NCKAP5: variants seen among roughly 807,000 people sequenced by gnomAD.
NCKAP5 encodes NCK associated protein 5.
In NCKAP5, 92 loss-of-function variants were observed where a neutral mutation model predicts 167.0. The ratio of observed to expected loss-of-function variants is 0.55; its 90% CI spans 0.47 to 0.66. The LOEUF is 0.66. NCKAP5 is among the 30% of genes least tolerant of loss of function. The probability of loss-of-function intolerance (pLI) is 0.00; values close to 1 mark genes in which losing one functional copy is unlikely to be tolerated. For synonymous variants in NCKAP5, 891 were observed against 877.4 expected (o/e 1.02, Z -0.27); for missense variants, 2,378 against 2,315.0 (o/e 1.03, Z -0.56).
intron 2 of NCKAP5, among the ~76,000 whole-genome samples, chr2:133,532,489 T>C (rs1685444812): frequency 6.6e-6 from 1 of 152,220 alleles, no homozygotes; most frequent in African/African-American, 2.4e-5. Flanking sequence ...TTTTCTCTTT[T>C]ATTGAAAATA....
In NCKAP5 at chr2:132,783,929, G is replaced by A; in HGVS notation, c.2882C>T (p.Pro961Leu). 1 of 1,572,542 alleles carries A rather than the reference G, an allele frequency of 6.4e-7. No homozygotes were observed. Among genetic ancestry groups the A allele is most frequent in the Non-Finnish European group, 8.6e-7 (1 of 1,163,824 alleles). The change falls in exon 14 of 20, where the codon CCC becomes CTC. Residue 961 changes from proline (P) to leucine (L), a missense_variant. This residue lies in a region of NCKAP5 where 1,325 missense variants were observed against 1,274.5 expected (regional missense o/e 1.04). Coordinates refer to ENST00000409261, the MANE Select transcript of NCKAP5 (RefSeq NM_207363.3). ...PSSTKSETRVPSETARTPFKS... is the reference protein window; with the variant it reads ...PSSTKSETRVLSETARTPFKS... ...GAATGGGGTCCTTGCTGTTTCACTG[G>A]GGACCCTGGTTTCGGACTTGGTGGA...
intron 5 of NCKAP5, among the ~76,000 whole-genome samples, chr2:133,188,672 G>A (rs993493394): frequency 1.8e-4 from 28 of 151,914 alleles, no homozygotes; most frequent in Admixed American, 5.3e-4. Flanking sequence ...AACAACCTGC[G>A]CCTGAATGAC....
At chr2:133,313,476 T>C (rs1306932612) in intron 3 of NCKAP5, among the ~76,000 whole-genome samples, 2 of 152,238 alleles carry the variant, frequency 1.3e-5, no homozygotes, top group African/African-American at 2.4e-5. Context: ...TATTCTTTTT[T>C]AGGTAAAAAG....
At chr2:132,953,484 A>G (rs2076254321) in intron 8 of NCKAP5, among the ~76,000 whole-genome samples, 1 of 152,084 alleles carries the variant, frequency 6.6e-6, no homozygotes, top group African/African-American at 2.4e-5. Flanking sequence ...ATTAATTAGT[A>G]TATTTTTAAT....
intron 16 of NCKAP5, among the ~76,000 whole-genome samples, chr2:132,749,785 G>A (rs1260820302): frequency 6.6e-6 from 1 of 152,164 alleles, no homozygotes; most frequent in African/African-American, 2.4e-5. Flanking sequence ...ACGCAGGACA[G>A]TGTTTCAACT....
At chr2:133,284,554 A>C (rs1041686549) in intron 4 of NCKAP5, 24 of 152,182 alleles carry the variant, frequency 1.6e-4, no homozygotes, top group African/African-American at 5.6e-4. Flanking sequence ...CTGTTTGTGA[A>C]ACTCTCCAAA....
intron 4 of NCKAP5, among the ~76,000 whole-genome samples, chr2:133,229,250 T>A (rs2087031907): frequency 6.6e-6 from 1 of 152,188 alleles, no homozygotes; most frequent in African/African-American, 2.4e-5. Flanking sequence ...TGTTTATACA[T>A]AAATAAATCT....
At chr2:132,903,795 T>C (rs1209050215) in intron 8 of NCKAP5, among the ~76,000 whole-genome samples, 2 of 152,160 alleles carry the variant, frequency 1.3e-5, no homozygotes, top group African/African-American at 2.4e-5. Context: ...TAAGAGTTTA[T>C]TAGGAGAAAC....
chr2:133,642,644 A>G, the NCKAP5 span, among the ~76,000 whole-genome samples: 2 of 152,228 alleles, frequency 1.3e-5, no homozygotes, highest in African/African-American at 4.8e-5. Flanking sequence ...AACGGTAAAC[A>G]TTCAAAACCA....
chr2:133,523,536 G>A (rs1003805682), intron 2 of NCKAP5, among the ~76,000 whole-genome samples: 1 of 152,214 alleles, frequency 6.6e-6, no homozygotes. Flanking sequence ...GTAAATTTGA[G>A]TAGATTCCTA....
At chr2:132,759,233 T>G (rs1396074746) in intron 16 of NCKAP5, among the ~76,000 whole-genome samples, 2 of 152,210 alleles carry the variant, frequency 1.3e-5, no homozygotes, top group African/African-American at 2.4e-5. Context: ...TTTCAAAATT[T>G]GTCTGTCCTT....
At chr2:133,156,031 C>T (rs2083565599) in intron 5 of NCKAP5, among the ~76,000 whole-genome samples, 1 of 152,226 alleles carries the variant, frequency 6.6e-6, no homozygotes, top group Non-Finnish European at 1.5e-5. Context: ...AGGGCAATGA[C>T]AGTTTGACTG....
chr2:132,887,344 T>TCC lies in NCKAP5; in HGVS notation c.580-8429_580-8428insGG, dbSNP rs1558902544. 3.0e-3 allele frequency among the ~76,000 whole-genome samples: 305 copies of TCC among 100,402 alleles called. 2 individuals carry two copies. The highest frequency in any genetic ancestry group is 0.029 in the East Asian group (119 of 4,058). 65.9% of individuals were successfully genotyped at this position (100,402 alleles called of 152,430 possible). A position where few individuals can be genotyped will look rare whatever the true frequency, so the allele number is the denominator to read the frequency against. On this transcript the variant is annotated intron_variant, in intron 8 of 19. Transcript: ENST00000409261. Reference sequence around the variant, plus strand: ...TTATCTATCTATCTATCTATCTATCTATCTATCCATCCATCCATCTTTCCA... The same window carrying TCC: ...TTATCTATCTATCTATCTATCTATCTCCATCTATCCATCCATCCATCTTTCCA...
intron 16 of NCKAP5, among the ~76,000 whole-genome samples, chr2:132,759,787 T>C (rs1409416036): frequency 6.6e-6 from 1 of 152,060 alleles, no homozygotes; most frequent in African/African-American, 2.4e-5. Flanking sequence ...TAACTAGAGA[T>C]TTTAGTCTAT....
At chr2:133,466,989 A>C (rs1692649328) in intron 3 of NCKAP5, among the ~76,000 whole-genome samples, 1 of 152,060 alleles carries the variant, frequency 6.6e-6, no homozygotes, top group Non-Finnish European at 1.5e-5. Context: ...TTCCTAATTG[A>C]ATACCCTTTA....
At chr2:132,939,992 G>A (rs1697171369) in intron 8 of NCKAP5, among the ~76,000 whole-genome samples, 1 of 152,034 alleles carries the variant, frequency 6.6e-6, no homozygotes, top group African/African-American at 2.4e-5. Flanking sequence ...GTGAGATGCT[G>A]TCTAAAAATA....
chr2:133,473,181 A>C (rs1679510419), intron 3 of NCKAP5, among the ~76,000 whole-genome samples: 1 of 151,962 alleles, frequency 6.6e-6, no homozygotes, highest in Non-Finnish European at 1.5e-5. Context: ...AAAATACAAA[A>C]ATTAGCCAGG....
At chr2:133,534,274 C>A (rs10172626) in intron 2 of NCKAP5, among the ~76,000 whole-genome samples, 34,433 of 151,958 alleles carry the variant, frequency 0.23, 5,859 homozygotes, top group African/African-American at 0.46. Context: ...TGATCAATAT[C>A]ACAATTTTAA....
intron 15 of NCKAP5, among the ~76,000 whole-genome samples, chr2:132,778,174 TATA>T (rs1682713586): frequency 6.6e-6 from 1 of 152,100 alleles, no homozygotes; most frequent in South Asian, 2.1e-4. Context: ...TTCCCTATTT[TATA>T]ATGATTTTAT....
Sources: gnomAD v4.1 joint callset for allele counts (sites outside exome capture counted in the v4.1 genomes callset) on GRCh38, gnomAD v4.1.1 for gene constraint, gnomAD v4.1.1 regional missense constraint, MANE v1.5 for transcripts, NCBI Gene and HGNC (gene_info 2026-07-23, HGNC 2026-07-21) for gene names.